The following NRG3 variants were observed in gnomAD, a reference collection of about 807,000 sequenced individuals.
NRG3 encodes neuregulin 3.
NRG3 carries 31 observed loss-of-function variants against 66.9 expected under a neutral mutation model. That is an observed-to-expected ratio of 0.46 (90% confidence interval 0.35 to 0.63). The LOEUF (loss-of-function observed/expected upper bound fraction) is 0.63. Ranked by LOEUF, NRG3 falls within the 20% of genes least tolerant of loss-of-function variation. NRG3 has a pLI of 0.00. For synonymous variants in NRG3, 393 were observed against 359.4 expected, an observed-to-expected ratio of 1.09 and a Z score of -1.06; for missense variants, 910 against 878.9, an observed-to-expected ratio of 1.04 and a Z score of -0.45.
intron 2 of NRG3, among the ~76,000 whole-genome samples, chr10:82,614,196 C>G (rs1455785591): frequency 6.6e-6 from 1 of 152,216 alleles, no homozygotes; most frequent in Non-Finnish European, 1.5e-5. Context: ...TTGTGCCCAC[C>G]TGGGGCACTG....
intron 4 of NRG3, among the ~76,000 whole-genome samples, chr10:82,900,536 TA>T (rs1181144538): frequency 6.6e-6 from 1 of 152,148 alleles, no homozygotes; most frequent in East Asian, 1.9e-4. Context: ...TAGGAAGAAA[TA>T]AAATCTCATT....
intron 2 of NRG3, among the ~76,000 whole-genome samples, chr10:82,516,030 G>T (rs566151934): frequency 1.3e-5 from 2 of 152,268 alleles, no homozygotes; most frequent in South Asian, 4.1e-4. Flanking sequence ...TCCCATGCAG[G>T]TTGGTCAATA....
chr10:81,928,595 C>T (rs975376331), intron 1 of NRG3, among the ~76,000 whole-genome samples: 8 of 152,086 alleles, frequency 5.3e-5, no homozygotes, highest in African/African-American at 1.9e-4. Context: ...ATAGGAATAA[C>T]ATGAAACTGC....
chr10:82,385,298 T>C (rs1319898036), intron 2 of NRG3, among the ~76,000 whole-genome samples: 1 of 152,208 alleles, frequency 6.6e-6, no homozygotes, highest in Non-Finnish European at 1.5e-5. Context: ...CTTCTTTTGC[T>C]GTGCAGAAGC....
chr10:82,821,461 G>C (rs766529187), intron 3 of NRG3, among the ~76,000 whole-genome samples: 1 of 149,984 alleles, frequency 6.7e-6, no homozygotes, highest in Non-Finnish European at 1.5e-5. Context: ...GCAAAGGACA[G>C]TTGCATAGTC....
chr10:81,954,840 C>CTGT (rs1849675885), intron 1 of NRG3, among the ~76,000 whole-genome samples: 1 of 152,094 alleles, frequency 6.6e-6, no homozygotes, highest in Non-Finnish European at 1.5e-5. Flanking sequence ...TGTGTCACAC[C>CTGT]AGCCACTGCT....
chr10:82,538,191 A>T (rs894940187), intron 2 of NRG3, among the ~76,000 whole-genome samples: 14 of 152,138 alleles, frequency 9.2e-5, no homozygotes, highest in African/African-American at 3.4e-4. Context: ...TTATCACCCT[A>T]CATTTTCAAT....
intron 2 of NRG3, among the ~76,000 whole-genome samples, chr10:82,568,672 T>C (rs2045558854): frequency 6.6e-6 from 1 of 151,860 alleles, no homozygotes; most frequent in Non-Finnish European, 1.5e-5. Context: ...AGCTCATTGT[T>C]AAGTGCTCCA....
intron 1 of NRG3, among the ~76,000 whole-genome samples, chr10:82,296,631 C>T (rs541293040): frequency 1.3e-5 from 2 of 152,206 alleles, no homozygotes; most frequent in Admixed American, 6.5e-5. Context: ...AATTCATCAC[C>T]TCAAACATTC....
At position 82,722,138 on chromosome 10, in the gene NRG3, T is replaced by C. The variant is rs139840266; in HGVS notation, c.954-16439T>C. Among the ~76,000 whole-genome samples the C allele has an allele frequency of 2.9e-3, 447 of 152,268 alleles. 2 individuals carry two copies. The highest frequency in any genetic ancestry group is 3.9e-3 in the Non-Finnish European group (267 of 68,028). On this transcript the variant is annotated intron_variant, in intron 2 of 8. Transcript: ENST00000372141. ...GAAGTATGAAATAGAAGAAAGTACA[T>C]TGAATTTAGAAACAGAACATGTGGG... is the stretch of plus-strand genomic sequence containing the variant.
At chr10:82,791,701 C>T (rs2060594732) in intron 3 of NRG3, among the ~76,000 whole-genome samples, 1 of 152,104 alleles carries the variant, frequency 6.6e-6, no homozygotes, top group African/African-American at 2.4e-5. Context: ...AATATTATTC[C>T]CCATATTTTC....
At chr10:82,425,768 A>G (rs1465381289) in intron 2 of NRG3, among the ~76,000 whole-genome samples, 1 of 152,158 alleles carries the variant, frequency 6.6e-6, no homozygotes, top group Non-Finnish European at 1.5e-5. Flanking sequence ...TTCAGACACT[A>G]AATTTTTATC....
intron 1 of NRG3, among the ~76,000 whole-genome samples, chr10:82,113,977 C>T (rs2067542122): frequency 1.3e-5 from 2 of 151,942 alleles, no homozygotes; most frequent in South Asian, 4.2e-4. Flanking sequence ...ATCCTGTAAC[C>T]ACCAGCCTTC....
At chr10:82,740,666 A>C (rs1156540483) in intron 3 of NRG3, among the ~76,000 whole-genome samples, 1 of 151,946 alleles carries the variant, frequency 6.6e-6, no homozygotes, top group African/African-American at 2.4e-5. Flanking sequence ...TCTACTAAAA[A>C]TACAAAAATT....
intron 6 of NRG3, among the ~76,000 whole-genome samples, chr10:82,962,787 C>T (rs754634497): frequency 3.3e-5 from 5 of 151,914 alleles, no homozygotes; most frequent in Admixed American, 6.6e-5. Flanking sequence ...TGCAGTGACC[C>T]GATACCATGC....
intron 1 of NRG3, among the ~76,000 whole-genome samples, chr10:82,083,165 A>G (rs1195046452): frequency 1.3e-5 from 2 of 152,128 alleles, no homozygotes; most frequent in Non-Finnish European, 2.9e-5. Flanking sequence ...TTGATGATGT[A>G]CAGTAGCACT....
At chr10:82,300,895 C>T (rs1231049004) in intron 1 of NRG3, among the ~76,000 whole-genome samples, 1 of 151,954 alleles carries the variant, frequency 6.6e-6, no homozygotes, top group Non-Finnish European at 1.5e-5. Flanking sequence ...ACTCAGGAGG[C>T]TGAAGTGGAA....
chr10:82,076,874 AG>A (rs1254235281), intron 1 of NRG3, among the ~76,000 whole-genome samples: 2 of 152,204 alleles, frequency 1.3e-5, no homozygotes, highest in Non-Finnish European at 2.9e-5. Context: ...CTCTATAGCA[AG>A]GCAAATTAAC....
At chr10:82,248,645 C>A (rs1449777933) in intron 1 of NRG3, among the ~76,000 whole-genome samples, 1 of 152,044 alleles carries the variant, frequency 6.6e-6, no homozygotes, top group Admixed American at 6.6e-5. Context: ...TAATTCCTGG[C>A]CCTTGGTAAG....
Sources: allele counts gnomAD v4.1 joint callset (sites outside exome capture counted in the v4.1 genomes callset), GRCh38; gene constraint gnomAD v4.1.1; transcripts MANE v1.5; gene names NCBI Gene and HGNC (gene_info 2026-07-23, HGNC 2026-07-21).